IGSF9: variants seen among roughly 807,000 people sequenced by gnomAD.
IGSF9 encodes protein turtle homolog A.
IGSF9 carries 87 observed loss-of-function variants against 121.7 expected under a neutral mutation model. The observed-to-expected ratio is 0.71, with a 90% CI of 0.60 to 0.85. The LOEUF is 0.85. Among genes scored for constraint, IGSF9 ranks in the 40% least tolerant of loss-of-function variants. The pLI, the probability that IGSF9 is intolerant of heterozygous loss-of-function variation, is 0.00. For missense variants in IGSF9, 1,462 were observed against 1,565.3 expected, an observed-to-expected ratio of 0.93 and a Z score of 1.11; for synonymous variants, 640 against 648.4, an observed-to-expected ratio of 0.99 and a Z score of 0.20.
chr1:159,927,849 G>C lies in IGSF9; in HGVS notation c.3269C>G (p.Ser1090Ter). The C allele has an allele frequency of 6.2e-7, 1 of 1,612,844 alleles. No homozygotes were observed. Among genetic ancestry groups the C allele is most frequent in the Non-Finnish European group, 8.5e-7 (1 of 1,179,690 alleles). Residue 1090 changes from serine (S) to a stop codon, truncating the protein, a stop_gained, in exon 20 of 21, where the codon TCA (serine) becomes TGA (stop). Transcript: ENST00000368094. LOFTEE classifies it high-confidence loss of function. ...CAATTCCATGTCCCCAGGGAATTCT[G>C]AGTCCCACTCATAGTTCTCGTCCAC... ...TSVDENYEWD[S>*]EFPGDMELLE...
In IGSF9 at chr1:159,927,351, C is replaced by G; in HGVS notation, c.3534G>C (p.Leu1178=). 6.2e-7 allele frequency: 1 copy of G among 1,613,684 alleles called. No individual in the cohort carries two copies. Among genetic ancestry groups the G allele is most frequent in the Non-Finnish European group, 8.5e-7 (1 of 1,180,014 alleles). The change falls in exon 21 of 21, where the codon CTG becomes CTC. Residue 1178 remains leucine, a synonymous_variant. Coordinates refer to ENST00000368094, the MANE Select transcript of IGSF9 (RefSeq NM_001135050.2). ...AGCCTCACATCAGGGATGTTCACAG[C>G]AGAGTGGCCTGTTCGGGGTGGGGGA... ...QPVPHPEQAT[L]L
In IGSF9 at chr1:159,943,398, G is replaced by A. The variant is rs377413865; in HGVS notation, c.57C>T (p.Asp19=). ...VLSLVISQGA[D]GRGKPEVVSV... is the part of the protein sequence containing the mutation. ...CTTGAGCCCAAGAGCTCAGCTTACC[G>A]TCAGCCCCCTGGCTGATGACCAGGC... Residue 19 remains aspartate, a splice_region_variant and synonymous_variant, in exon 2 of 21, where the codon GAC becomes GAT. Transcript: ENST00000368094. The A allele has an allele frequency of 2.4e-5, 38 of 1,585,258 alleles. No individual in the cohort carries two copies. The highest frequency in any genetic ancestry group is 1.5e-4 in the South Asian group (13 of 86,464).
At chr1:159,943,299 C>T (rs1651466012) in intron 2 of IGSF9, 98 bp downstream of exon 2, 1 of 1,370,152 alleles carries the variant, frequency 7.3e-7, no homozygotes, top group Non-Finnish European at 9.8e-7. Context: ...CCCTATTCCT[C>T]CCCTGCCCTC....
At chr1:159,933,873 C>T (rs758621522) in intron 9 of IGSF9, 23 of 388,222 alleles carry the variant, frequency 5.9e-5, no homozygotes, top group Non-Finnish European at 8.7e-5. Context: ...TGTGTTCCCC[C>T]GGGACACACA....
In IGSF9 at chr1:159,930,850, C is replaced by T. The variant is rs758486657; in HGVS notation, c.1655G>A (p.Arg552Gln). 4.4e-6 allele frequency: 7 copies of T among 1,607,906 alleles called. No individual in the cohort carries two copies. The highest frequency in any genetic ancestry group is 2.2e-5 in the East Asian group (1 of 44,772). The change falls in exon 14 of 21, where the codon CGA becomes CAA. Residue 552 changes from arginine to glutamine, a missense_variant. Physicochemically the swap from Arg to Gln is conservative, Grantham distance 43. This residue lies in a region of IGSF9 where 96 missense variants were observed against 150.7 expected (regional missense o/e 0.64). Transcript: ENST00000368094. ...CAAGGACACCCAGTCATGGTGCATT[C>T]GGTCAGGACGCTTGGCCCTGGGAGA... is the stretch of plus-strand genomic sequence containing the variant. ...WYTPLAKRPD[R>Q]MHHDWVSLAV...
chr1:159,929,676 C>T lies in IGSF9; in HGVS notation c.2288G>A (p.Arg763His). The T allele has an allele frequency of 1.9e-6, 3 of 1,595,670 alleles. No individual in the cohort carries two copies. Among genetic ancestry groups the T allele is most frequent in the South Asian group, 1.1e-5 (1 of 88,230 alleles). The part of the protein sequence containing the change: ...SILAGCLLNR[R>H]RAARRRRKRL... ...CTTGCGGCGGCGGCGGGCAGCCCTG[C>T]GCCGGTTCAGGAGGCAGCCGGCCAG... Residue 763 changes from arginine (R) to histidine (H), a missense_variant, in exon 17 of 21, where the codon CGC (arginine) becomes CAC (histidine). Around this residue, in one of 3 missense-constraint regions of IGSF9, gnomAD observed 808 missense variants for 815.2 expected, o/e 0.99. Coordinates refer to ENST00000368094, the MANE Select transcript of IGSF9 (RefSeq NM_001135050.2).
intron 6 of IGSF9, among the ~76,000 whole-genome samples, chr1:159,935,038 A>G (rs554362856): frequency 1.3e-5 from 2 of 152,252 alleles, no homozygotes; most frequent in Non-Finnish European, 1.5e-5. Flanking sequence ...TCTCTGTTCC[A>G]TCAAGAGCAA....
At position 159,936,480 on chromosome 1, in the gene IGSF9, G is replaced by C; in HGVS notation, c.592C>G (p.Arg198Gly). The change falls in exon 6 of 21, where the codon CGA (arginine) becomes GGA (glycine). Residue 198 changes from arginine to glycine, a missense_variant. By Grantham distance (125) the Arg-to-Gly change is moderately radical (BLOSUM62 -2). Transcript: ENST00000368094. Reference sequence around the variant, plus strand: ...CAGGTGTAGACCCCAGAGCTGCCTCGCTCTACCCGGCGGATCCGCAGCGTC... The same window carrying C: ...CAGGTGTAGACCCCAGAGCTGCCTCCCTCTACCCGGCGGATCCGCAGCGTC... ...NGTLRIRRVE[R>G]GSSGVYTCQA... 6.2e-7 allele frequency: 1 copy of C among 1,614,008 alleles called. No individual in the cohort carries two copies. The highest frequency in any genetic ancestry group is 2.2e-5 in the East Asian group (1 of 44,882).
In IGSF9 at chr1:159,934,510, C is replaced by G. The variant is rs778247109; in HGVS notation, c.876G>C (p.Gln292His). 6.2e-7 allele frequency: 1 copy of G among 1,613,118 alleles called. No individual in the cohort carries two copies. The highest frequency in any genetic ancestry group is 8.5e-7 in the Non-Finnish European group (1 of 1,179,620). Residue 292 changes from glutamine (Q) to histidine (H), a missense_variant, in exon 8 of 21, where the codon CAG (glutamine) becomes CAC (histidine). Physicochemically the swap from Gln to His is conservative, Grantham distance 24. Transcript: ENST00000368094. ...VDGSLRLLAT[Q>H]PDDAGCYTCV... The stretch of plus-strand genomic sequence containing the variant: ...AGGTGTAGCAGCCGGCATCATCAGG[C>G]TGGGTGGCCAGCAGCCGCAGGCTCC...
chr1:159,932,488 GCC>G lies in IGSF9; in HGVS notation c.1245+22_1245+23del. On this transcript the variant is annotated intron_variant, in intron 10 of 20. Coordinates refer to ENST00000368094, the MANE Select transcript of IGSF9 (RefSeq NM_001135050.2). This position sits in a 1 kb window ranked among gnomAD's most constrained non-coding sequence, Gnocchi z 4.1. ...GCCATCTGACCCACTGTCACCACAG[GCC>G]CCCGCCCACCCCCGGCCTAACCTTG... 6.2e-7 allele frequency: 1 copy of G among 1,612,418 alleles called. No individual in the cohort carries two copies. The highest frequency in any genetic ancestry group is 8.5e-7 in the Non-Finnish European group (1 of 1,179,224).
At chr1:159,938,930 C>T (rs1317994484) in intron 3 of IGSF9, among the ~76,000 whole-genome samples, 6 of 152,178 alleles carry the variant, frequency 3.9e-5, no homozygotes, top group African/African-American at 1.2e-4. Flanking sequence ...GACCCTGTCC[C>T]TAAACTGATC....
At chr1:159,938,602 T>G (rs1042392645) in intron 3 of IGSF9, among the ~76,000 whole-genome samples, 23 of 152,194 alleles carry the variant, frequency 1.5e-4, no homozygotes, top group Non-Finnish European at 3.2e-4. Flanking sequence ...TGGATGCAAC[T>G]ATGCACCCCA....
In IGSF9 at chr1:159,943,404, C is replaced by T. The variant is rs146051728; in HGVS notation, c.51G>A (p.Gly17=). 2 of 1,588,072 alleles carry T rather than the reference C, an allele frequency of 1.3e-6. No individual in the cohort carries two copies. The highest frequency in any genetic ancestry group is 1.7e-6 in the Non-Finnish European group (2 of 1,166,716). Residue 17 remains glycine, a synonymous_variant, in exon 2 of 21, where the codon GGG becomes GGA. Transcript: ENST00000368094. ...CCCAAGAGCTCAGCTTACCGTCAGC[C>T]CCCTGGCTGATGACCAGGCTGAGGA... ...LAVLSLVISQ[G]ADGRGKPEVV... is the part of the protein sequence containing the mutation.
Position 159,927,241 on chromosome 1 carries a change from A to AAGGGGCAGGC in IGSF9, c.*94_*103dup. On this transcript the variant is annotated 3_prime_UTR_variant, in exon 21 of 21. Coordinates refer to ENST00000368094, the MANE Select transcript of IGSF9 (RefSeq NM_001135050.2). ...TATCAGGGTCTGTGCCTGGGCACCAAAGGGGCAGGCAGGGGCAGTGCCCTC... is the reference window on the plus strand; with the variant it reads ...TATCAGGGTCTGTGCCTGGGCACCAAAGGGGCAGGCAGGGGCAGGCAGGGGCAGTGCCCTC... 1 of 1,404,118 alleles carries AAGGGGCAGGC rather than the reference A, an allele frequency of 7.1e-7. No individual in the cohort carries two copies. Among genetic ancestry groups the AAGGGGCAGGC allele is most frequent in the Non-Finnish European group, 1.0e-6 (1 of 997,106 alleles). The allele number at this position is 1,404,118 out of a possible 1,614,324, so 87.0% of individuals were successfully genotyped here.
rs1398881694 is a variant in IGSF9 at position 159,934,529 on chromosome 1, A to C, written c.857T>G (p.Leu286Arg). The C allele has an allele frequency of 6.2e-7, 1 of 1,613,758 alleles. No homozygotes were observed. Among genetic ancestry groups the C allele is most frequent in the Non-Finnish European group, 8.5e-7 (1 of 1,179,830 alleles). Reference sequence around the variant, plus strand: ...ATCAGGCTGGGTGGCCAGCAGCCGCAGGCTCCCGTCCACCAGGATCCGCAC... The same window carrying C: ...ATCAGGCTGGGTGGCCAGCAGCCGCCGGCTCCCGTCCACCAGGATCCGCAC... The part of the protein sequence containing the change: ...PRVRILVDGS[L>R]RLLATQPDDA... The change falls in exon 8 of 21, where the codon CTG (leucine) becomes CGG (arginine). Residue 286 changes from leucine to arginine, a missense_variant. Physicochemically the swap from Leu to Arg is moderately radical, Grantham distance 102. Coordinates refer to ENST00000368094, the MANE Select transcript of IGSF9 (RefSeq NM_001135050.2).
intron 6 of IGSF9, among the ~76,000 whole-genome samples, chr1:159,935,767 G>T (rs1251723053): frequency 6.6e-6 from 1 of 152,250 alleles, no homozygotes; most frequent in Non-Finnish European, 1.5e-5. Flanking sequence ...AGGCTCAGAG[G>T]CAGAGAGATT....
intron 9 of IGSF9, chr1:159,933,171 C>CT: frequency 6.5e-6 from 1 of 153,994 alleles, no homozygotes; most frequent in Admixed American, 6.4e-5. Context: ...CTCTGTAAAT[C>CT]AGACTCCATA....
In IGSF9 at chr1:159,932,737, G is replaced by A. The variant is rs1043830863; in HGVS notation, c.1105-85C>T. The A allele has an allele frequency of 6.5e-5, 87 of 1,340,900 alleles. No individual in the cohort carries two copies. The highest frequency in any genetic ancestry group is 7.7e-5 in the Non-Finnish European group (76 of 982,960). 83.1% of individuals were successfully genotyped at this position (1,340,900 alleles called of 1,614,324 possible). On this transcript the variant is annotated intron_variant, in intron 9 of 20. Coordinates refer to ENST00000368094, the MANE Select transcript of IGSF9 (RefSeq NM_001135050.2). The surrounding 1 kb of genome is among the most constrained non-coding windows in gnomAD (Gnocchi z 4.1). ...GGCAGTACAAGAGAGGGGGCAGGAT[G>A]AGAAACCCACAGCTGTGCAGAAGAC...
In IGSF9 at chr1:159,934,412, G is replaced by A. The variant is rs41264839; in HGVS notation, c.961+13C>T. 88,625 of 1,573,100 alleles carry A rather than the reference G, an allele frequency of 0.056. 2,713 individuals carry two copies. The highest frequency in any genetic ancestry group is 0.065 in the African/African-American group (4,818 of 73,960). On this transcript the variant is annotated intron_variant, in intron 8 of 20. Coordinates refer to ENST00000368094, the MANE Select transcript of IGSF9 (RefSeq NM_001135050.2). ...AGGGAGCAGGCTGAGGGAGAAGCTG[G>A]GGTCAGGCTTACAGAGCACAGTGAG...
Sources: gnomAD v4.1 joint callset for allele counts (sites outside exome capture counted in the v4.1 genomes callset) on GRCh38, gnomAD v4.1.1 for gene constraint, gnomAD v4.1.1 regional missense constraint, Gnocchi (gnomAD v3.1) non-coding constraint, MANE v1.5 for transcripts, NCBI Gene and HGNC (gene_info 2026-07-23, HGNC 2026-07-21) for gene names.